Variants in CRTC3 observed in about 807,000 individuals in gnomAD.
CRTC3 encodes CREB regulated transcription coactivator 3.
Under a neutral mutation model 74.5 loss-of-function variants are expected in CRTC3, and 26 were observed. The observed-to-expected ratio is 0.35, with a 90% confidence interval of 0.26 to 0.48. The LOEUF is 0.48. Ranked by LOEUF, CRTC3 falls within the 20% of genes least tolerant of loss-of-function variation. The pLI, the probability that CRTC3 is intolerant of heterozygous loss-of-function variation, is 0.99. For missense variants in CRTC3, 760 were observed against 787.3 expected, an observed-to-expected ratio of 0.97 and a Z score of 0.41; for synonymous variants, 377 against 325.8, an observed-to-expected ratio of 1.16 and a Z score of -1.69.
chr15:90,612,026 A>ACCCCTC (rs143245311), intron 6 of CRTC3, among the ~76,000 whole-genome samples: 1 of 51,202 alleles, frequency 2.0e-5, no homozygotes. Flanking sequence ...ACCACCCCCC[A>ACCCCTC]CTCCTCCTCC....
At position 90,630,922 on chromosome 15, in the gene CRTC3, C is replaced by T. The variant is rs1213693243; in HGVS notation, c.1266+1390C>T. Among the ~76,000 whole-genome samples the T allele has an allele frequency of 6.8e-5, 4 of 58,738 alleles. 1 individual carries two copies. Among genetic ancestry groups the T allele is most frequent in the African/African-American group, 1.8e-4 (4 of 22,360 alleles). 38.5% of individuals were successfully genotyped at this position (58,738 alleles called of 152,430 possible). A position where few individuals can be genotyped will look rare whatever the true frequency, so the allele number is the denominator to read the frequency against. On this transcript the variant is annotated intron_variant, in intron 11 of 14. Coordinates refer to ENST00000268184, the MANE Select transcript of CRTC3 (RefSeq NM_022769.5). Reference sequence around the variant, plus strand: ...CCTCCCGAGTAGCTGGGACTACAGGCGCCCGCCACCGTGCCCGGCTAATTT... The same window carrying T: ...CCTCCCGAGTAGCTGGGACTACAGGTGCCCGCCACCGTGCCCGGCTAATTT...
At chr15:90,595,025 C>T (rs1199366086) in intron 3 of CRTC3, 2 of 152,166 alleles carry the variant, frequency 1.3e-5, no homozygotes, top group East Asian at 3.9e-4. Context: ...ACATTTGGTC[C>T]ACAGAAGGAC....
rs1481635430 is a variant in CRTC3 at position 90,612,070 on chromosome 15, TCCTCCTCCTCCG to T, written c.578-2366_578-2355del. ...CTCCTCCTCCTCCGCCTCCACCTCC[TCCTCCTCCTCCG>T]CCTCCTCCTCCGCCTCTGCCTCCTC... is the stretch of plus-strand genomic sequence containing the variant. On this transcript the variant is annotated intron_variant, in intron 6 of 14. Transcript: ENST00000268184. Among the ~76,000 whole-genome samples the T allele has an allele frequency of 1.8e-4, 11 of 62,548 alleles. No individual in the cohort carries two copies. The South Asian group carries it at 1.9e-3, about 11-fold the overall frequency. The allele number at this position is 62,548 out of a possible 152,430, so 41.0% of individuals were successfully genotyped here. A position where few individuals can be genotyped will look rare whatever the true frequency, so the allele number is the denominator to read the frequency against.
intron 3 of CRTC3, among the ~76,000 whole-genome samples, chr15:90,599,972 A>C (rs1968025893): frequency 1.3e-5 from 2 of 152,152 alleles, no homozygotes; most frequent in Non-Finnish European, 2.9e-5. Flanking sequence ...TTCCTCCCTA[A>C]TGGCTTTGCC....
chr15:90,604,043 T>C (rs1314715232), intron 4 of CRTC3, among the ~76,000 whole-genome samples: 1 of 152,188 alleles, frequency 6.6e-6, no homozygotes, highest in Admixed American at 6.5e-5. Flanking sequence ...TTCCTCTTCA[T>C]GGCCATTGGT....
Position 90,602,372 on chromosome 15 carries a change from G to A in CRTC3, c.400G>A (p.Glu134Lys). 1 of 1,593,898 alleles carries A rather than the reference G, an allele frequency of 6.3e-7. No homozygotes were observed. Among genetic ancestry groups the A allele is most frequent in the Non-Finnish European group, 8.6e-7 (1 of 1,162,198 alleles). Residue 134 changes from glutamate (E) to lysine (K), a missense_variant, in exon 4 of 15, where the codon GAG (glutamate) becomes AAG (lysine). Glu to Lys is a moderately conservative substitution (Grantham distance 56). This residue lies in a region of CRTC3 where 652 missense variants were observed against 635.2 expected (regional missense o/e 1.03). Coordinates refer to ENST00000268184, the MANE Select transcript of CRTC3 (RefSeq NM_022769.5). ...GANYSSQPLD[E>K]SWPRQQPPWK... ...CAATTATTCCTCACAGCCTCTGGAT[G>A]AGAGTTGGCCAAGGTAAGCAAGACA...
Position 90,530,092 on chromosome 15 carries a change from G to T in CRTC3, c.21G>T (p.Ser7=). The change falls in exon 1 of 15, where the codon TCG becomes TCT. Residue 7 remains serine, a synonymous_variant. Coordinates refer to ENST00000268184, the MANE Select transcript of CRTC3 (RefSeq NM_022769.5). This position sits in a 1 kb window ranked among gnomAD's most constrained non-coding sequence, Gnocchi z 6.2. MAASPG[S]GSANPRKFSE... is the part of the protein sequence containing the mutation. Reference sequence around the variant, plus strand: ...GCGCCATGGCCGCCTCGCCGGGCTCGGGCAGCGCCAACCCGCGGAAGTTCA... The same window carrying T: ...GCGCCATGGCCGCCTCGCCGGGCTCTGGCAGCGCCAACCCGCGGAAGTTCA... 1 of 1,443,724 alleles carries T rather than the reference G, an allele frequency of 6.9e-7. No homozygotes were observed. Among genetic ancestry groups the T allele is most frequent in the Non-Finnish European group, 9.2e-7 (1 of 1,082,506 alleles). The allele number at this position is 1,443,724 out of a possible 1,614,324, so 89.4% of individuals were successfully genotyped here. A position where few individuals can be genotyped will look rare whatever the true frequency, so the allele number is the denominator to read the frequency against.
chr15:90,589,051 T>C (rs1166655811), intron 2 of CRTC3, among the ~76,000 whole-genome samples: 3 of 151,732 alleles, frequency 2.0e-5, no homozygotes, highest in Non-Finnish European at 4.4e-5. Flanking sequence ...TCGTCGTCGT[T>C]ATTTTTATTT....
chr15:90,623,016 G>A (rs1188605652), intron 9 of CRTC3, among the ~76,000 whole-genome samples: 3 of 152,210 alleles, frequency 2.0e-5, no homozygotes, highest in East Asian at 3.9e-4. Flanking sequence ...AAAGTGAGGC[G>A]AGGCTGGCAG....
At chr15:90,547,822 TAG>T (rs1966847026) in intron 2 of CRTC3, among the ~76,000 whole-genome samples, 1 of 151,796 alleles carries the variant, frequency 6.6e-6, no homozygotes, top group African/African-American at 2.4e-5. Flanking sequence ...CAGGCAGCTG[TAG>T]AGAGAGGGAC....
At chr15:90,632,762 G>A (rs778663344) in intron 11 of CRTC3, among the ~76,000 whole-genome samples, 4 of 152,078 alleles carry the variant, frequency 2.6e-5, no homozygotes, top group South Asian at 2.1e-4. Flanking sequence ...GTGCCACGAC[G>A]CCTGGCTACT....
chr15:90,631,946 G>C (rs1364099728), intron 11 of CRTC3, among the ~76,000 whole-genome samples: 1 of 151,634 alleles, frequency 6.6e-6, no homozygotes, highest in Non-Finnish European at 1.5e-5. Context: ...TGTCACCCAG[G>C]CTCGAGTGCA....
intron 3 of CRTC3, 123 bp downstream of exon 3, chr15:90,593,878 A>G (rs1268431178): frequency 9.5e-6 from 9 of 947,492 alleles, no homozygotes; most frequent in Non-Finnish European, 1.3e-5. Context: ...GAAAGGAGGC[A>G]ATACAAATAA....
chr15:90,535,112 GA>G lies in CRTC3; in HGVS notation c.132+4910del, dbSNP rs1455585359. On this transcript the variant is annotated intron_variant, in intron 1 of 14. Coordinates refer to ENST00000268184, the MANE Select transcript of CRTC3 (RefSeq NM_022769.5). The stretch of plus-strand genomic sequence containing the variant: ...GGAGGCGGAGGTTGCAGTGAGCCGA[GA>G]TTGTGCCATTGCACTCCAACCTGGG... 2.7e-5 allele frequency among the ~76,000 whole-genome samples: 4 copies of G among 149,034 alleles called. No homozygotes were observed. The East Asian group carries it at 8.0e-4, about 30-fold the overall frequency.
In CRTC3 at chr15:90,642,238, A is replaced by G. The variant is rs1969475685; in HGVS notation, c.*98A>G. Reference sequence around the variant, plus strand: ...GATACCACGGGCTTTCGTTATCTTGACATAGAAGGAAGCAATGCCACGGCT... The same window carrying G: ...GATACCACGGGCTTTCGTTATCTTGGCATAGAAGGAAGCAATGCCACGGCT... On this transcript the variant is annotated 3_prime_UTR_variant, in exon 15 of 15. Transcript: ENST00000268184. 6.0e-6 allele frequency: 6 copies of G among 1,006,828 alleles called. No homozygotes were observed. The South Asian group carries it at 8.8e-5, about 15-fold the overall frequency. The allele number at this position is 1,006,828 out of a possible 1,614,324, so 62.4% of individuals were successfully genotyped here.
At chr15:90,623,376 G>C (rs5011652) in intron 9 of CRTC3, among the ~76,000 whole-genome samples, 106,030 of 151,494 alleles carry the variant, frequency 0.7, 37,484 homozygotes, top group Middle Eastern at 0.78. Flanking sequence ...TCTTCCTAGT[G>C]AGCAGAAACT....
intron 11 of CRTC3, among the ~76,000 whole-genome samples, chr15:90,630,474 G>A (rs1297133660): frequency 6.6e-6 from 1 of 152,178 alleles, no homozygotes; most frequent in Non-Finnish European, 1.5e-5. Flanking sequence ...AATTAGCTGG[G>A]TGTGGTGGCA....
intron 2 of CRTC3, among the ~76,000 whole-genome samples, chr15:90,564,904 ACCTTCCTTCCTTCCTTCCTTCCTTCCTT>A (rs71154112): frequency 0.67 from 97,662 of 146,426 alleles, 33,634 homozygotes; most frequent in Non-Finnish European, 0.76. Flanking sequence ...AATTTAACCA[ACCTTCCTTCCTTCCTTCCTTCCTTCCTT>A]CCTTCCTTCC....
Position 90,631,104 on chromosome 15 carries a change from C to T in CRTC3, c.1266+1572C>T, listed in dbSNP as rs886760319. Among the ~76,000 whole-genome samples the T allele has an allele frequency of 5.4e-5, 5 of 92,602 alleles. 1 individual carries two copies. Among genetic ancestry groups the T allele is most frequent in the South Asian group, 4.6e-4 (1 of 2,156 alleles). The allele number at this position is 92,602 out of a possible 152,430, so 60.8% of individuals were successfully genotyped here. On this transcript the variant is annotated intron_variant, in intron 11 of 14. Coordinates refer to ENST00000268184, the MANE Select transcript of CRTC3 (RefSeq NM_022769.5). ...TTACAGCATCATTAACTACTCACCA[C>T]CTCGCCATAAATTAATGATTTAGAA... is the stretch of plus-strand genomic sequence containing the variant.
Sources: gnomAD v4.1 joint callset for allele counts (sites outside exome capture counted in the v4.1 genomes callset) on GRCh38, gnomAD v4.1.1 for gene constraint, gnomAD v4.1.1 regional missense constraint, Gnocchi (gnomAD v3.1) non-coding constraint, MANE v1.5 for transcripts, NCBI Gene and HGNC (gene_info 2026-07-23, HGNC 2026-07-21) for gene names.